Variants in CACNA1E observed in about 807,000 individuals in gnomAD.
CACNA1E encodes the protein voltage-dependent R-type calcium channel subunit alpha-1E.
CACNA1E carries 40 observed loss-of-function variants against 259.2 expected under a neutral mutation model. That is an observed-to-expected ratio of 0.15 (90% CI 0.12 to 0.20). The LOEUF (loss-of-function observed/expected upper bound fraction) is 0.20. Among genes scored for constraint, CACNA1E ranks in the 10% least tolerant of loss-of-function variants. The pLI is 1.00. For missense variants in CACNA1E, 1,874 were observed against 3,040.1 expected (o/e 0.62, Z 9.02); for synonymous variants, 1,104 against 1,138.5 (o/e 0.97, Z 0.61).
At chr1:181,573,105 A>G (rs933471405) in intron 3 of CACNA1E, among the ~76,000 whole-genome samples, 38 of 152,158 alleles carry the variant, frequency 2.5e-4, no homozygotes, top group Admixed American at 2.4e-3. Flanking sequence ...TTTATTAGCA[A>G]TTTAATTTTT....
chr1:181,321,445 T>C (rs1278305505), intron 1 of CACNA1E, among the ~76,000 whole-genome samples: 1 of 152,226 alleles, frequency 6.6e-6, no homozygotes, highest in East Asian at 1.9e-4. Flanking sequence ...CCTTAGTTAT[T>C]GATGCCTGCT....
chr1:181,706,491 T>C (rs1397090858), intron 7 of CACNA1E, among the ~76,000 whole-genome samples: 2 of 152,220 alleles, frequency 1.3e-5, no homozygotes, highest in Admixed American at 6.5e-5. Context: ...TGTGTATGAA[T>C]AAATGGACAC....
chr1:181,590,138 G>A (rs1290784902), intron 6 of CACNA1E, among the ~76,000 whole-genome samples: 2 of 152,130 alleles, frequency 1.3e-5, no homozygotes, highest in Non-Finnish European at 2.9e-5. Flanking sequence ...AGCTTCAGCT[G>A]CAGCTTTCCC....
At chr1:181,435,905 T>C (rs1660052469) in intron 2 of CACNA1E, among the ~76,000 whole-genome samples, 1 of 151,394 alleles carries the variant, frequency 6.6e-6, no homozygotes, top group Non-Finnish European at 1.5e-5. Flanking sequence ...AAAATGCAGC[T>C]TTAAAACATC....
chr1:181,758,935 T>A lies in CACNA1E; in HGVS notation c.4605+67T>A, dbSNP rs1442390741. ...CTGTTGGGTGCCTTCCCAGTCTTTG[T>A]TGAAGGGGAGGTGGTTACTGCTATT... is the stretch of plus-strand genomic sequence containing the variant. On this transcript the variant is annotated intron_variant, in intron 32 of 47. Coordinates refer to ENST00000367573, the MANE Select transcript of CACNA1E (RefSeq NM_001205293.3). The surrounding 1 kb of genome is among the most constrained non-coding windows in gnomAD (Gnocchi z 4.2). The A allele has an allele frequency of 1.1e-6, 1 of 884,956 alleles. No homozygotes were observed. Among genetic ancestry groups the A allele is most frequent in the East Asian group, 2.4e-5 (1 of 41,132 alleles). 54.8% of individuals were successfully genotyped at this position (884,956 alleles called of 1,614,324 possible). A position where few individuals can be genotyped will look rare whatever the true frequency, so the allele number is the denominator to read the frequency against.
Position 181,720,305 on chromosome 1 carries a change from T to C in CACNA1E, c.1851T>C (p.Phe617=). 1 of 1,613,736 alleles carries C rather than the reference T, an allele frequency of 6.2e-7. No homozygotes were observed. Among genetic ancestry groups the C allele is most frequent in the Non-Finnish European group, 8.5e-7 (1 of 1,179,796 alleles). ...LFLLFLFIVV[F]ALLGMQLFGG... ...TCCTCTTCCTCTTCATCGTTGTCTT[T>C]GCTCTCCTAGGAATGCAGTTATTTG... The change falls in exon 14 of 48, where the codon TTT becomes TTC. Residue 617 remains phenylalanine (F), a synonymous_variant. Transcript: ENST00000367573.
chr1:181,654,982 C>CAAAA (rs1208750325), intron 7 of CACNA1E, among the ~76,000 whole-genome samples: 30 of 53,252 alleles, frequency 5.6e-4, no homozygotes, highest in Middle Eastern at 0.01. Flanking sequence ...GACTCCATCT[C>CAAAA]AAAAAAAAAA....
chr1:181,583,939 C>G lies in CACNA1E; in HGVS notation c.951+3163C>G, dbSNP rs575096176. Among the ~76,000 whole-genome samples the G allele has an allele frequency of 1.2e-4, 19 of 152,258 alleles. No individual in the cohort carries two copies. The East Asian group carries it at 3.3e-3, about 26-fold the overall frequency. On this transcript the variant is annotated intron_variant, in intron 6 of 47. Coordinates refer to ENST00000367573, the MANE Select transcript of CACNA1E (RefSeq NM_001205293.3). ...CTCTTCTTTACTTATTTCTCGTAAC[C>G]TGATAAGTATGTCTTCCACAGTACA...
At chr1:181,509,295 C>A (rs575702222) in intron 1 of CACNA1E, among the ~76,000 whole-genome samples, 1 of 152,128 alleles carries the variant, frequency 6.6e-6, no homozygotes, top group Non-Finnish European at 1.5e-5. Flanking sequence ...CCACAGGTAG[C>A]CTGGCAGGAT....
chr1:181,318,692 C>G lies in CACNA1E; in HGVS notation c.-15+569C>G, dbSNP rs369023439. On this transcript the variant is annotated intron_variant, in intron 1 of 11. Coordinates refer to the CACNA1E transcript ENST00000524607. Reference sequence around the variant, plus strand: ...CGCGGGCCAGTGGCTGAGCTTGCAGCGAAGTTTCCGTGAAGGAAACTGCAT... The same window carrying G: ...CGCGGGCCAGTGGCTGAGCTTGCAGGGAAGTTTCCGTGAAGGAAACTGCAT... Among the ~76,000 whole-genome samples, 100 of 152,296 alleles carry G rather than the reference C, an allele frequency of 6.6e-4. 1 individual carries two copies. Among genetic ancestry groups the G allele is most frequent in the African/African-American group, 1.9e-3 (81 of 41,566 alleles).
At chr1:181,750,995 G>C (rs542619685) in intron 26 of CACNA1E, among the ~76,000 whole-genome samples, 2 of 151,654 alleles carry the variant, frequency 1.3e-5, no homozygotes, top group African/African-American at 4.8e-5. Flanking sequence ...GGGTAGGGGG[G>C]TAGGTATCGC....
intron 22 of CACNA1E, among the ~76,000 whole-genome samples, chr1:181,736,992 T>G (rs538779359): frequency 1.1e-3 from 165 of 152,148 alleles, no homozygotes; most frequent in African/African-American, 3.9e-3. Context: ...CCAGCAGGGC[T>G]CTGGGAAGGG....
rs771030074 is a variant in CACNA1E, at chr1:181,732,621, C to T, written c.2535C>T (p.Phe845=). 3.4e-6 allele frequency: 5 copies of T among 1,486,230 alleles called. No homozygotes were observed. Among genetic ancestry groups the T allele is most frequent in the African/African-American group, 2.8e-5 (2 of 70,512 alleles). The allele number at this position is 1,486,230 out of a possible 1,614,324, so 92.1% of individuals were successfully genotyped here. Residue 845 remains phenylalanine (F), a synonymous_variant, in exon 20 of 48, where the codon TTC becomes TTT. Transcript: ENST00000367573. The surrounding 1 kb of genome is among the most constrained non-coding windows in gnomAD (Gnocchi z 5.5). The part of the protein sequence containing the change: ...GLALGLALEK[F]EEERISRGGS... ...CCCTGGGCCTGGCCCTGGAGAAGTTCGAGGAGGAGCGCATCAGCCGTGGGG... is the reference window on the plus strand; with the variant it reads ...CCCTGGGCCTGGCCCTGGAGAAGTTTGAGGAGGAGCGCATCAGCCGTGGGG...
At chr1:181,387,245 C>T (rs1655923135) in intron 1 of CACNA1E, among the ~76,000 whole-genome samples, 2 of 152,180 alleles carry the variant, frequency 1.3e-5, no homozygotes, top group Admixed American at 1.3e-4. Context: ...AGGCAGGCAC[C>T]TGTCACCACC....
At chr1:181,681,361 A>T (rs963212003) in intron 7 of CACNA1E, among the ~76,000 whole-genome samples, 2 of 151,662 alleles carry the variant, frequency 1.3e-5, no homozygotes, top group Non-Finnish European at 2.9e-5. Flanking sequence ...CCTACCAAAA[A>T]CCCACTTGGC....
chr1:181,665,806 C>G lies in CACNA1E; in HGVS notation c.1055+14365C>G, dbSNP rs151117089. Among the ~76,000 whole-genome samples the G allele has an allele frequency of 1.3e-4, 20 of 152,114 alleles. No individual in the cohort carries two copies. In the East Asian group the frequency reaches 3.3e-3, roughly 25 times the overall value. On this transcript the variant is annotated intron_variant, in intron 7 of 47. Coordinates refer to ENST00000367573, the MANE Select transcript of CACNA1E (RefSeq NM_001205293.3). Reference sequence around the variant, plus strand: ...AAGATGGCTTTGCTAAGAGACAGACCTGGATTTAATGTTCCAGTCTGCTAC... The same window carrying G: ...AAGATGGCTTTGCTAAGAGACAGACGTGGATTTAATGTTCCAGTCTGCTAC...
chr1:181,409,620 G>T (rs1037303286), intron 1 of CACNA1E, among the ~76,000 whole-genome samples: 2 of 152,242 alleles, frequency 1.3e-5, no homozygotes, highest in African/African-American at 4.8e-5. Flanking sequence ...GCTAAGTATA[G>T]ATTCGAGTGT....
chr1:181,553,027 T>C lies in CACNA1E; in HGVS notation c.513-24739T>C, dbSNP rs183554121. On this transcript the variant is annotated intron_variant, in intron 3 of 47. Transcript: ENST00000367573. The stretch of plus-strand genomic sequence containing the variant: ...GAAATTTAAAGTAGTTTTTTTCTAA[T>C]TCTGTGAAGAATGTCAATGGTATAG... Among the ~76,000 whole-genome samples the C allele has an allele frequency of 3.3e-3, 499 of 152,342 alleles. 3 individuals are homozygous for C. The highest frequency in any genetic ancestry group is 0.012 in the African/African-American group (490 of 41,580).
Position 181,717,230 on chromosome 1 carries a change from C to A in CACNA1E, c.1453C>A (p.Leu485Ile), listed in dbSNP as rs780077138. ...SQVFYWIVLSLVALNTACVAI... is the reference protein window; with the variant it reads ...SQVFYWIVLSIVALNTACVAI... ...GGTGTTTTACTGGATTGTGCTGAGC[C>A]TTGTGGCACTCAACACTGCCTGTGT... The change falls in exon 11 of 48, where the codon CTT becomes ATT. Residue 485 changes from leucine to isoleucine, a missense_variant. Coordinates refer to ENST00000367573, the MANE Select transcript of CACNA1E (RefSeq NM_001205293.3). 1.2e-6 allele frequency: 2 copies of A among 1,613,944 alleles called. No individual in the cohort carries two copies. Among genetic ancestry groups the A allele is most frequent in the South Asian group, 2.2e-5 (2 of 91,080 alleles).
Sources: gnomAD v4.1 joint callset for allele counts (sites outside exome capture counted in the v4.1 genomes callset) on GRCh38, gnomAD v4.1.1 for gene constraint, Gnocchi (gnomAD v3.1) non-coding constraint, MANE v1.5 for transcripts, NCBI Gene and HGNC (gene_info 2026-07-23, HGNC 2026-07-21) for gene names.